The following CHFR variants were observed in gnomAD, a reference collection of about 807,000 sequenced individuals.
The protein encoded by CHFR is E3 ubiquitin-protein ligase CHFR.
Under a neutral mutation model 87.6 loss-of-function variants are expected in CHFR, and 57 were observed. That is an observed-to-expected ratio of 0.65 (90% confidence interval 0.53 to 0.81). The LOEUF (loss-of-function observed/expected upper bound fraction) is 0.81. CHFR is among the 30% of genes least tolerant of loss of function. The pLI, the probability that CHFR is intolerant of heterozygous loss-of-function variation, is 0.00. For synonymous variants in CHFR, 381 were observed against 359.2 expected (o/e 1.06, Z -0.69); for missense variants, 797 against 865.8 (o/e 0.92, Z 1.00).
intron 2 of CHFR, among the ~76,000 whole-genome samples, chr12:132,880,494 C>A (rs901978776): frequency 2.0e-5 from 3 of 149,726 alleles, no homozygotes; most frequent in Non-Finnish European, 3.0e-5. Flanking sequence ...ACGTCTCTAC[C>A]AAAACTACAA....
chr12:132,862,423 T>C, intron 6 of CHFR: 1 of 450,602 alleles, frequency 2.2e-6, no homozygotes, highest in Non-Finnish European at 4.4e-6. Flanking sequence ...CAAGGCACCA[T>C]CTCTACAAAA....
chr12:132,870,744 C>T lies in CHFR; in HGVS notation c.383G>A (p.Gly128Asp), dbSNP rs769092725. Residue 128 changes from glycine to aspartate, a missense_variant, in exon 5 of 18, where the codon GGC (glycine) becomes GAC (aspartate). Gly to Asp is a moderately conservative substitution (Grantham distance 94, BLOSUM62 -1). Transcript: ENST00000450056. ...CTTACCAAAGGATTCTTGTGTCATGCCTTGCTTTTCACTTAAAGATTCATA... is the reference window on the plus strand; with the variant it reads ...CTTACCAAAGGATTCTTGTGTCATGTCTTGCTTTTCACTTAAAGATTCATA... ...YLYESLSEKQ[G>D]MTQESFDTSG... 1 of 1,610,930 alleles carries T rather than the reference C, an allele frequency of 6.2e-7. No individual in the cohort carries two copies. The highest frequency in any genetic ancestry group is 8.5e-7 in the Non-Finnish European group (1 of 1,177,218).
rs566065778 is a variant in CHFR at position 132,840,578 on chromosome 12, A to C, written c.*976T>G. ...AAATCAAAATTTCAAGTATTATTCC[A>C]GATGACATGGCAAAGCTAGCACAGG... On this transcript the variant is annotated 3_prime_UTR_variant, in exon 18 of 18. Transcript: ENST00000450056. The C allele has an allele frequency of 6.5e-6, 1 of 152,808 alleles. No individual in the cohort carries two copies. The highest frequency in any genetic ancestry group is 2.1e-4 in the South Asian group (1 of 4,832). 9.5% of individuals were successfully genotyped at this position (152,808 alleles called of 1,614,324 possible).
At chr12:132,856,925 G>T (rs1951085786) in intron 9 of CHFR, among the ~76,000 whole-genome samples, 1 of 149,686 alleles carries the variant, frequency 6.7e-6, no homozygotes, top group Non-Finnish European at 1.5e-5. Flanking sequence ...ACTTGTCTGG[G>T]TGCTGGTGGA....
chr12:132,859,260 C>T (rs759531492), intron 7 of CHFR, 33 bp from the exon 8 acceptor site: 3 of 1,587,844 alleles, frequency 1.9e-6, no homozygotes, highest in African/African-American at 2.7e-5. Flanking sequence ...CTGTCGTAAC[C>T]AAGAAGGAAA....
chr12:132,878,125 CA>C (rs1466872914), intron 2 of CHFR, among the ~76,000 whole-genome samples: 1 of 152,104 alleles, frequency 6.6e-6, no homozygotes, highest in Non-Finnish European at 1.5e-5. Flanking sequence ...TCTGAATCCC[CA>C]CCCTCTCAAA....
In CHFR at chr12:132,833,962, G is replaced by T. The variant is rs1412870419; in HGVS notation, c.*7592C>A. 1 of 152,262 alleles carries T rather than the reference G, an allele frequency of 6.6e-6. No individual in the cohort carries two copies. The highest frequency in any genetic ancestry group is 1.5e-5 in the Non-Finnish European group (1 of 68,080). The allele number at this position is 152,262 out of a possible 1,614,324, so 9.4% of individuals were successfully genotyped here. ...TGAGCTGAACGTGCGTGACAAGGAG[G>T]ACCAATGCACGCACAGATCTGGGAG... is the stretch of plus-strand genomic sequence containing the variant. On this transcript the variant is annotated 3_prime_UTR_variant, in exon 18 of 18. Transcript: ENST00000450056.
chr12:132,884,143 GC>G (rs1212152528), intron 2 of CHFR, among the ~76,000 whole-genome samples: 1 of 151,606 alleles, frequency 6.6e-6, no homozygotes, highest in African/African-American at 2.4e-5. Context: ...ATCAGGCCGG[GC>G]ACAGTGGCTC....
chr12:132,855,676 G>GA (rs911135408), intron 10 of CHFR, among the ~76,000 whole-genome samples: 17 of 149,074 alleles, frequency 1.1e-4, no homozygotes, highest in South Asian at 2.1e-4. Context: ...AAAAAAAAAA[G>GA]AAAAAAAAAA....
At chr12:132,870,382 A>T (rs1951459857) in intron 5 of CHFR, among the ~76,000 whole-genome samples, 1 of 124,978 alleles carries the variant, frequency 8.0e-6, no homozygotes, top group Admixed American at 7.8e-5. Flanking sequence ...AACAAACAAA[A>T]TTAGCCAGGC....
In CHFR at chr12:132,840,832, G is replaced by A. The variant is rs576425597; in HGVS notation, c.*722C>T. 6.6e-5 allele frequency: 10 copies of A among 152,418 alleles called. No individual in the cohort carries two copies. Among genetic ancestry groups the A allele is most frequent in the South Asian group, 2.1e-4 (1 of 4,826 alleles). 9.4% of individuals were successfully genotyped at this position (152,418 alleles called of 1,614,324 possible). A position where few individuals can be genotyped will look rare whatever the true frequency, so the allele number is the denominator to read the frequency against. On this transcript the variant is annotated 3_prime_UTR_variant, in exon 18 of 18. Transcript: ENST00000450056. ...GGGACCTGCGTCCAGCCCCAGGCTC[G>A]GGGCCGCGGTCACTCACCGGTTAGC...
intron 2 of CHFR, among the ~76,000 whole-genome samples, chr12:132,881,058 G>C (rs1951757505): frequency 6.6e-6 from 1 of 152,148 alleles, no homozygotes; most frequent in East Asian, 1.9e-4. Flanking sequence ...CTTCAGACCA[G>C]GACTTCGAGA....
chr12:132,863,524 AAAAC>A (rs1204892559), intron 6 of CHFR, among the ~76,000 whole-genome samples: 4 of 152,128 alleles, frequency 2.6e-5, no homozygotes, highest in African/African-American at 4.8e-5. Flanking sequence ...AAAGTAAAAC[AAAAC>A]AAACAAACAA....
chr12:132,849,535 G>C (rs894683669), intron 12 of CHFR: 1 of 151,510 alleles, frequency 6.6e-6, no homozygotes, highest in Non-Finnish European at 1.5e-5. Context: ...ACACGGCTTC[G>C]ATGGGCTTCA....
intron 8 of CHFR, among the ~76,000 whole-genome samples, chr12:132,858,000 T>C (rs1047581839): frequency 6.6e-6 from 1 of 152,210 alleles, no homozygotes; most frequent in African/African-American, 2.4e-5. Context: ...CACTCAAAAC[T>C]TGTGGGGTCT....
At position 132,886,965 on chromosome 12, in the gene CHFR, G is replaced by A. The variant is rs147128291; in HGVS notation, c.133+231C>T. ...AACGAACGTGACAATATTGCATTCT[G>A]GAGAGTATATGAACACAACTAACTT... On this transcript the variant is annotated intron_variant, in intron 2 of 17. Coordinates refer to ENST00000450056, the MANE Select transcript of CHFR (RefSeq NM_001161346.2). 4.6e-3 allele frequency among the ~76,000 whole-genome samples: 698 copies of A among 152,326 alleles called. 11 individuals carry two copies. The highest frequency in any genetic ancestry group is 0.016 in the African/African-American group (681 of 41,570).
chr12:132,862,749 T>G (rs921008451), intron 6 of CHFR, among the ~76,000 whole-genome samples: 1 of 150,490 alleles, frequency 6.6e-6, no homozygotes, highest in African/African-American at 2.5e-5. Flanking sequence ...CCAGCTAATT[T>G]TTTTGTATTT....
At chr12:132,847,897 A>G in intron 14 of CHFR, 188 bp downstream of exon 14, 1 of 1,433,554 alleles carries the variant, frequency 7.0e-7, no homozygotes, top group Non-Finnish European at 9.1e-7. Context: ...AATACGGAAA[A>G]AACAGACAAA....
Position 132,848,163 on chromosome 12 carries a change from G to C in CHFR, c.1577-8C>G, listed in dbSNP as rs1328513277. ...TGTCACCCAGGTTGAGCTCTGCCGA[G>C]ATGAAGGGGCAATGTTACCTGTTTA... On this transcript the variant is annotated splice_region_variant and splice_polypyrimidine_tract_variant and intron_variant, in intron 13 of 17. Coordinates refer to ENST00000450056, the MANE Select transcript of CHFR (RefSeq NM_001161346.2). 6.2e-7 allele frequency: 1 copy of C among 1,614,176 alleles called. No individual in the cohort carries two copies. Among genetic ancestry groups the C allele is most frequent in the Non-Finnish European group, 8.5e-7 (1 of 1,180,026 alleles).
Sources: gnomAD v4.1 joint callset for allele counts (sites outside exome capture counted in the v4.1 genomes callset) on GRCh38, gnomAD v4.1.1 for gene constraint, MANE v1.5 for transcripts, NCBI Gene and HGNC (gene_info 2026-07-23, HGNC 2026-07-21) for gene names.